IL17RD: variants seen among roughly 807,000 people sequenced by gnomAD.
IL17RD encodes interleukin 17 receptor D.
A neutral mutation model predicts 80.5 loss-of-function variants in IL17RD; 52 were observed. The observed-to-expected ratio is 0.65, with a 90% CI of 0.52 to 0.81. IL17RD has a LOEUF of 0.81. Ranked by LOEUF, IL17RD falls within the 40% of genes least tolerant of loss-of-function variation. The pLI is 0.00. For missense variants in IL17RD, 1,024 were observed against 955.1 expected (o/e 1.07, Z -0.95); for synonymous variants, 416 against 391.8 (o/e 1.06, Z -0.73).
chr3:57,166,874 C>A (rs377376757), upstream of IL17RD, among the ~76,000 whole-genome samples: 53 of 152,348 alleles, frequency 3.5e-4, no homozygotes, highest in South Asian at 6.6e-3. Flanking sequence ...CTGGCCTGGC[C>A]TAAGCTCAGC....
At chr3:57,169,122 C>T (rs780390975), upstream of IL17RD, 12 of 428,456 alleles carry the variant, frequency 2.8e-5, no homozygotes, top group Non-Finnish European at 5.6e-5. Context: ...CCAGGCCCCA[C>T]ATGCCTTTCA....
upstream of IL17RD, among the ~76,000 whole-genome samples, chr3:57,167,825 G>A (rs926317011): frequency 6.6e-6 from 1 of 152,054 alleles, no homozygotes; most frequent in Non-Finnish European, 1.5e-5. Context: ...TTGGCCATTT[G>A]TATTCTTTCT....
At chr3:57,122,618 G>A (rs777002563) in intron 1 of IL17RD, among the ~76,000 whole-genome samples, 2 of 152,140 alleles carry the variant, frequency 1.3e-5, no homozygotes, top group African/African-American at 4.8e-5. Context: ...GTCTGATCCC[G>A]AAACCATCCC....
chr3:57,103,064 C>T, intron 9 of IL17RD, 27 bp downstream of exon 9: 2 of 1,562,204 alleles, frequency 1.3e-6, no homozygotes, highest in Non-Finnish European at 8.7e-7. Flanking sequence ...TAGTCTAGAG[C>T]CAAATTTCAA....
At chr3:57,102,458 A>G in intron 10 of IL17RD, 21 bp downstream of exon 10, 1 of 1,396,546 alleles carries the variant, frequency 7.2e-7, no homozygotes, top group Non-Finnish European at 9.9e-7. Context: ...TTGTGGGGAG[A>G]CACAGCACAC....
At chr3:57,160,643 G>C (rs966292841) in intron 1 of IL17RD, among the ~76,000 whole-genome samples, 1 of 152,116 alleles carries the variant, frequency 6.6e-6, no homozygotes, top group African/African-American at 2.4e-5. Flanking sequence ...TCAGGGCTCT[G>C]AGAAAGTCTT....
chr3:57,120,154 T>A, intron 2 of IL17RD, 102 bp downstream of exon 2: 1 of 923,480 alleles, frequency 1.1e-6, no homozygotes, highest in Non-Finnish European at 1.8e-6. Context: ...GTTCAGAAAA[T>A]TCGTCAACCC....
intron 1 of IL17RD, among the ~76,000 whole-genome samples, chr3:57,127,369 T>TATATAAATATATATAAATATATATAAAA (rs1482794586): frequency 1.2e-5 from 1 of 85,968 alleles, no homozygotes; most frequent in Non-Finnish European, 1.9e-5. Flanking sequence ...AATATAAATA[T>TATATAAATATATATAAATATATATAAAA]ATATATATAA....
chr3:57,107,699 C>T (rs75058374), intron 5 of IL17RD, among the ~76,000 whole-genome samples: 1 of 152,212 alleles, frequency 6.6e-6, no homozygotes, highest in Non-Finnish European at 1.5e-5. Context: ...AGAAGGTGAA[C>T]AGACCCAGCA....
intron 1 of IL17RD, chr3:57,142,430 T>C (rs1422999503): frequency 1.0e-6 from 1 of 983,892 alleles, no homozygotes. Context: ...CACTTATTGG[T>C]TTTTCTTGGC....
chr3:57,127,293 TA>T lies in IL17RD; in HGVS notation c.127-6981del, dbSNP rs1383425083. Among the ~76,000 whole-genome samples, 34 of 93,340 alleles carry T rather than the reference TA, an allele frequency of 3.6e-4. 1 individual carries two copies. Among genetic ancestry groups the T allele is most frequent in the African/African-American group, 2.1e-3 (34 of 16,336 alleles). 61.2% of individuals were successfully genotyped at this position (93,340 alleles called of 152,430 possible). A position where few individuals can be genotyped will look rare whatever the true frequency, so the allele number is the denominator to read the frequency against. ...ATATAAAAATATATATAAATATATA[TA>T]AATATATATAAAAATATATAAAAAT... On this transcript the variant is annotated intron_variant, in intron 1 of 12. Transcript: ENST00000296318.
intron 1 of IL17RD, among the ~76,000 whole-genome samples, chr3:57,160,294 C>T (rs1300555295): frequency 6.6e-6 from 1 of 150,898 alleles, no homozygotes. Context: ...AAGAAAAAGC[C>T]TTGAAAGCTT....
At chr3:57,097,518 G>A in intron 12 of IL17RD, 78 bp downstream of exon 12, 1 of 1,189,546 alleles carries the variant, frequency 8.4e-7, no homozygotes, top group Non-Finnish European at 1.2e-6. Context: ...CACCAAAAGT[G>A]GAAAAACGCT....
At chr3:57,143,287 T>A (rs1421604951) in intron 1 of IL17RD, among the ~76,000 whole-genome samples, 2 of 152,202 alleles carry the variant, frequency 1.3e-5, no homozygotes, top group Non-Finnish European at 2.9e-5. Context: ...AAGTATTTTG[T>A]TTGCACAGGC....
chr3:57,163,629 C>T (rs2060321621), intron 1 of IL17RD, among the ~76,000 whole-genome samples: 1 of 152,028 alleles, frequency 6.6e-6, no homozygotes, highest in Non-Finnish European at 1.5e-5. Flanking sequence ...TAGTAGGATC[C>T]TTAAGTCAAC....
At chr3:57,113,655 C>T (rs1054816277) in intron 3 of IL17RD, among the ~76,000 whole-genome samples, 3 of 152,178 alleles carry the variant, frequency 2.0e-5, no homozygotes, top group Admixed American at 1.3e-4. Flanking sequence ...CCTCCTGCCT[C>T]GGCCGTCCAA....
rs975134667 is a variant in IL17RD, at chr3:57,092,636, G to A, written c.*3757C>T. On this transcript the variant is annotated 3_prime_UTR_variant, in exon 13 of 13. Coordinates refer to ENST00000296318, the MANE Select transcript of IL17RD (RefSeq NM_017563.5). Reference sequence around the variant, plus strand: ...TCCCAGCATTTTTTAAATTGAGAGAGCATAAATCTGATTCTGAAATTAACA... The same window carrying A: ...TCCCAGCATTTTTTAAATTGAGAGAACATAAATCTGATTCTGAAATTAACA... 6.6e-6 allele frequency: 1 copy of A among 152,112 alleles called. No homozygotes were observed. The highest frequency in any genetic ancestry group is 1.5e-5 in the Non-Finnish European group (1 of 68,046). The allele number at this position is 152,112 out of a possible 1,614,324, so 9.4% of individuals were successfully genotyped here.
intron 2 of IL17RD, among the ~76,000 whole-genome samples, chr3:57,116,282 CT>C (rs66563028): frequency 0.77 from 79,113 of 102,446 alleles, 29,891 homozygotes; most frequent in South Asian, 0.88. Flanking sequence ...TTTTTCTTTT[CT>C]TTTTTTTTTT....
intron 11 of IL17RD, among the ~76,000 whole-genome samples, chr3:57,100,951 A>C (rs531851243): frequency 6.6e-6 from 1 of 152,300 alleles, no homozygotes; most frequent in East Asian, 1.9e-4. Context: ...AAAGCTTTAG[A>C]GCAGGAGTTT....
Sources: allele counts gnomAD v4.1 joint callset (sites outside exome capture counted in the v4.1 genomes callset), GRCh38; gene constraint gnomAD v4.1.1; transcripts MANE v1.5; gene names NCBI Gene and HGNC (gene_info 2026-07-23, HGNC 2026-07-21).